Variants in PDZRN3 observed in about 807,000 individuals in gnomAD.
PDZRN3 encodes the protein PDZ domain containing ring finger 3, also known as E3 ubiquitin-protein ligase PDZRN3.
A neutral mutation model predicts 85.7 loss-of-function variants in PDZRN3; 38 were observed. The ratio of observed to expected loss-of-function variants is 0.44; its 90% CI spans 0.34 to 0.58. The LOEUF is 0.58. PDZRN3 is among the 20% of genes least tolerant of loss of function. The probability of loss-of-function intolerance (pLI) is 0.01; values close to 1 mark genes in which losing one functional copy is unlikely to be tolerated. For missense variants in PDZRN3, 1,629 were observed against 1,506.4 expected, an observed-to-expected ratio of 1.08 and a Z score of -1.35; for synonymous variants, 759 against 638.0, an observed-to-expected ratio of 1.19 and a Z score of -2.86.
intron 2 of PDZRN3, among the ~76,000 whole-genome samples, chr3:73,604,760 G>T (rs991933006): frequency 1.3e-5 from 2 of 152,190 alleles, no homozygotes; most frequent in Non-Finnish European, 2.9e-5. Context: ...ATAGGGGATA[G>T]GATTTTGGCT....
At chr3:73,407,052 T>C (rs186313368) in intron 3 of PDZRN3, among the ~76,000 whole-genome samples, 3 of 152,324 alleles carry the variant, frequency 2.0e-5, no homozygotes, top group East Asian at 1.9e-4. Context: ...GAGGTGTGGA[T>C]TGTGATGGGC....
chr3:73,505,613 C>A (rs4676928), intron 3 of PDZRN3, among the ~76,000 whole-genome samples: 146,504 of 152,254 alleles, frequency 0.96, 70,724 homozygotes, highest in Non-Finnish European at 1. Context: ...TGGAACCTTA[C>A]AATACGAATT....
chr3:73,390,654 T>TGTGA (rs36036904), intron 6 of PDZRN3, among the ~76,000 whole-genome samples: 74 of 140,048 alleles, frequency 5.3e-4, no homozygotes, highest in African/African-American at 1.7e-3. Flanking sequence ...TGTGTGTGTG[T>TGTGA]GAGAGAGAGA....
chr3:73,452,874 T>TGTGTGTGTGTGTGTGTGTGTGTGTGTGTG (rs71126871), intron 3 of PDZRN3, among the ~76,000 whole-genome samples: 1 of 151,526 alleles, frequency 6.6e-6, no homozygotes, highest in African/African-American at 2.4e-5. Context: ...TGTGTGTGTG[T>TGTGTGTGTGTGTGTGTGTGTGTGTGTGTG]TTTAAGTCCA....
At chr3:73,565,792 C>A (rs62247806) in intron 3 of PDZRN3, among the ~76,000 whole-genome samples, 1,808 of 8,158 alleles carry the variant, frequency 0.22, 25 homozygotes, top group Middle Eastern at 0.41. Flanking sequence ...ACAAAACACA[C>A]ACACACACAC....
rs764412192 is a variant in PDZRN3, at chr3:73,402,329, G to A, written c.1167-1320C>T. The stretch of plus-strand genomic sequence containing the variant: ...AATGTGAGGCAGTTTGGTCTGTAAC[G>A]TCAGATAAATGGTCTGGATCATCAT... On this transcript the variant is annotated intron_variant, in intron 4 of 9. Transcript: ENST00000263666. The A allele has an allele frequency of 5.9e-5, 9 of 152,352 alleles. 2 individuals carry two copies. Among genetic ancestry groups the A allele is most frequent in the Admixed American group, 3.9e-4 (6 of 15,306 alleles). The allele number at this position is 152,352 out of a possible 1,614,324, so 9.4% of individuals were successfully genotyped here.
chr3:73,454,234 C>G (rs1009488645), intron 3 of PDZRN3, among the ~76,000 whole-genome samples: 9 of 152,174 alleles, frequency 5.9e-5, no homozygotes. Context: ...TAACCACCAT[C>G]TATACAAACC....
chr3:73,483,451 T>C (rs1703606098), intron 3 of PDZRN3, among the ~76,000 whole-genome samples: 1 of 152,210 alleles, frequency 6.6e-6, no homozygotes, highest in Admixed American at 6.5e-5. Flanking sequence ...TGCTGAAGTG[T>C]TTACAGAAAA....
intron 3 of PDZRN3, among the ~76,000 whole-genome samples, chr3:73,420,236 G>A (rs776805402): frequency 3.3e-5 from 5 of 152,226 alleles, no homozygotes; most frequent in Admixed American, 1.3e-4. Flanking sequence ...CCTGGCCATC[G>A]TAACTGGGTC....
intron 3 of PDZRN3, among the ~76,000 whole-genome samples, chr3:73,581,656 A>AT (rs2106867507): frequency 6.6e-6 from 1 of 152,290 alleles, no homozygotes; most frequent in African/African-American, 2.4e-5. Context: ...AATAAAGTGG[A>AT]CTCACACTCA....
chr3:73,549,392 C>A (rs946703486), intron 3 of PDZRN3, among the ~76,000 whole-genome samples: 1 of 152,190 alleles, frequency 6.6e-6, no homozygotes, highest in African/African-American at 2.4e-5. Context: ...GTGAATCAAG[C>A]TGCCCTGTCT....
chr3:73,412,542 G>A (rs747371090), intron 3 of PDZRN3, among the ~76,000 whole-genome samples: 3 of 152,210 alleles, frequency 2.0e-5, no homozygotes, highest in Non-Finnish European at 2.9e-5. Context: ...ATGCAGAGGA[G>A]CAGGCAGGAG....
In PDZRN3 at chr3:73,384,156, C is replaced by A. The variant is rs1462362042; in HGVS notation, c.2410G>T (p.Ala804Ser). 6.2e-7 allele frequency: 1 copy of A among 1,614,110 alleles called. No homozygotes were observed. The highest frequency in any genetic ancestry group is 2.2e-5 in the East Asian group (1 of 44,834). ...GTGATGGAGAGCAGATTCTTGGAGG[C>A]TGGCCCGTAGGCTTCCGTGGTCCCC... Reference protein sequence around the residue: ...AVGTTEAYGPASKNLLSITED... With the variant: ...AVGTTEAYGPSSKNLLSITED... Residue 804 changes from alanine (A) to serine (S), a missense_variant, in exon 10 of 10, where the codon GCC becomes TCC. By Grantham distance (99) the Ala-to-Ser change is moderately conservative. Coordinates refer to ENST00000263666, the MANE Select transcript of PDZRN3 (RefSeq NM_015009.3).
chr3:73,384,026 C>T lies in PDZRN3; in HGVS notation c.2540G>A (p.Arg847Gln), dbSNP rs772383934. ...CAGCTTCTGGCTGGGCGTGGGGCTC[C>T]GGCTCCCGTCGCTGGCTCTCCGCTC... is the stretch of plus-strand genomic sequence containing the variant. ...SKERRASDGS[R>Q]SPTPSQKLGS... The change falls in exon 10 of 10, where the codon CGG becomes CAG. Residue 847 changes from arginine (R) to glutamine (Q), a missense_variant. Coordinates refer to ENST00000263666, the MANE Select transcript of PDZRN3 (RefSeq NM_015009.3). 5.0e-6 allele frequency: 8 copies of T among 1,591,646 alleles called. No homozygotes were observed. Among genetic ancestry groups the T allele is most frequent in the Middle Eastern group, 1.7e-4 (1 of 5,934 alleles).
intron 5 of PDZRN3, among the ~76,000 whole-genome samples, chr3:73,394,217 T>C (rs1377389811): frequency 6.6e-6 from 1 of 152,256 alleles, no homozygotes; most frequent in African/African-American, 2.4e-5. Context: ...CACCTGTGTT[T>C]AGTAAATTAG....
At chr3:73,433,965 C>A in intron 3 of PDZRN3, 1 of 1,320,502 alleles carries the variant, frequency 7.6e-7, no homozygotes, top group Non-Finnish European at 9.7e-7. Flanking sequence ...TACACGCACA[C>A]CACTCCCTCC....
At chr3:73,505,660 T>TTTA (rs1704057029) in intron 3 of PDZRN3, among the ~76,000 whole-genome samples, 1 of 151,852 alleles carries the variant, frequency 6.6e-6, no homozygotes, top group Non-Finnish European at 1.5e-5. Context: ...AAGTAACTTG[T>TTTA]TTATTAAAGG....
At chr3:73,581,542 T>G (rs1421655833) in intron 3 of PDZRN3, among the ~76,000 whole-genome samples, 1 of 152,090 alleles carries the variant, frequency 6.6e-6, no homozygotes, top group Non-Finnish European at 1.5e-5. Flanking sequence ...GGAGTCCGAG[T>G]CCCAGGACTA....
intron 3 of PDZRN3, among the ~76,000 whole-genome samples, chr3:73,429,852 A>G (rs1329761245): frequency 1.3e-5 from 2 of 152,070 alleles, no homozygotes; most frequent in Non-Finnish European, 2.9e-5. Context: ...TCCGGAGCTC[A>G]TTTTTCTCTG....
Sources: allele counts gnomAD v4.1 joint callset (sites outside exome capture counted in the v4.1 genomes callset), GRCh38; gene constraint gnomAD v4.1.1; transcripts MANE v1.5; gene names NCBI Gene and HGNC (gene_info 2026-07-23, HGNC 2026-07-21).